Variants in POSTN observed in about 807,000 individuals in gnomAD.
POSTN encodes the protein osteoblast specific factor 2 (fasciclin I-like).
POSTN carries 71 observed loss-of-function variants against 104.5 expected under a neutral mutation model. The observed-to-expected ratio is 0.68, with a 90% CI of 0.56 to 0.83. The LOEUF (loss-of-function observed/expected upper bound fraction) is 0.83. POSTN is among the 40% of genes least tolerant of loss of function. The pLI is 0.00. For missense variants in POSTN, 949 were observed against 1,006.8 expected (o/e 0.94, Z 0.78); for synonymous variants, 355 against 340.7 (o/e 1.04, Z -0.46).
intron 21 of POSTN, among the ~76,000 whole-genome samples, chr13:37,566,105 G>A (rs1008998366): frequency 6.6e-6 from 1 of 152,126 alleles, no homozygotes; most frequent in Non-Finnish European, 1.5e-5. Context: ...CATTCAATGT[G>A]TCAAACAAAT....
In POSTN at chr13:37,578,892, A is replaced by T. The variant is rs1593333178; in HGVS notation, c.1914T>A (p.Asp638Glu). The T allele has an allele frequency of 1.9e-6, 3 of 1,595,948 alleles. No homozygotes were observed. The highest frequency in any genetic ancestry group is 3.6e-5 in the Admixed American group (2 of 55,390). Reference protein sequence around the residue: ...LYPADTPVGNDQLLEILNKLI... With the variant: ...LYPADTPVGNEQLLEILNKLI... ...ATTTATTAAGTATTTCCAGCAGTTG[A>T]TCATTTCCAACAGGTGTGTCTATGA... is the stretch of plus-strand genomic sequence containing the variant. Residue 638 changes from aspartate (D) to glutamate (E), a missense_variant, in exon 15 of 23, where the codon GAT (aspartate) becomes GAA (glutamate). Physicochemically the swap from Asp to Glu is conservative, Grantham distance 45. Coordinates refer to ENST00000379747, the MANE Select transcript of POSTN (RefSeq NM_006475.3).
intron 22 of POSTN, 61 bp downstream of exon 22, chr13:37,564,458 G>T: frequency 1.1e-6 from 1 of 879,164 alleles, no homozygotes; most frequent in South Asian, 1.8e-5. Context: ...CCTATTGTTT[G>T]ATTTCTCTTC....
chr13:37,566,374 T>C (rs1164490939), intron 21 of POSTN, among the ~76,000 whole-genome samples: 1 of 152,198 alleles, frequency 6.6e-6, no homozygotes, highest in East Asian at 1.9e-4. Flanking sequence ...GTTATGACTA[T>C]GGAAATTTAA....
chr13:37,571,820 G>A (rs1950269683), intron 17 of POSTN, among the ~76,000 whole-genome samples: 1 of 151,608 alleles, frequency 6.6e-6, no homozygotes, highest in Non-Finnish European at 1.5e-5. Context: ...GATAACTGGT[G>A]TAGATCCCAC....
At chr13:37,586,665 T>C in intron 6 of POSTN, 117 bp downstream of exon 6, 1 of 987,452 alleles carries the variant, frequency 1.0e-6, no homozygotes, top group Non-Finnish European at 1.5e-6. Context: ...TAGTAGTCCT[T>C]TCAAAAAATA....
At chr13:37,580,049 A>G in intron 11 of POSTN, 58 bp from the exon 12 acceptor site, 1 of 1,500,150 alleles carries the variant, frequency 6.7e-7, no homozygotes, top group Non-Finnish European at 9.2e-7. Context: ...ATGTTCACCT[A>G]CAGTGCATGT....
At chr13:37,571,943 A>C (rs1222889906) in intron 17 of POSTN, among the ~76,000 whole-genome samples, 1 of 151,662 alleles carries the variant, frequency 6.6e-6, no homozygotes, top group Non-Finnish European at 1.5e-5. Context: ...AGTGAACATA[A>C]GAAAGTACCA....
chr13:37,595,206 G>T (rs1234595399), intron 2 of POSTN, among the ~76,000 whole-genome samples: 1 of 152,148 alleles, frequency 6.6e-6, no homozygotes, highest in African/African-American at 2.4e-5. Flanking sequence ...ATTTCAGGGT[G>T]AAGGTCCTTT....
chr13:37,569,816 C>T lies in POSTN; in HGVS notation c.2275G>A (p.Glu759Lys). 1 of 1,597,170 alleles carries T rather than the reference C, an allele frequency of 6.3e-7. No individual in the cohort carries two copies. Among genetic ancestry groups the T allele is most frequent in the Non-Finnish European group, 8.6e-7 (1 of 1,166,392 alleles). ...GTAGAAATCCTAGTGTATTTTATTT[C>T]AGGACCTATGAGAAGGACAATGAAA... ...TREERIITGPEIKYTRISTGG... is the reference protein window; with the variant it reads ...TREERIITGPKIKYTRISTGG... Residue 759 changes from glutamate to lysine, a missense_variant, in exon 20 of 23, where the codon GAA becomes AAA. Glu to Lys is a moderately conservative substitution (Grantham distance 56). Coordinates refer to ENST00000379747, the MANE Select transcript of POSTN (RefSeq NM_006475.3).
chr13:37,590,226 C>T (rs1950887803), intron 4 of POSTN, 146 bp downstream of exon 4: 2 of 542,332 alleles, frequency 3.7e-6, no homozygotes, highest in East Asian at 3.2e-5. Flanking sequence ...ATTTTACTTC[C>T]CTTAATAACT....
rs188381130 is a variant in POSTN, at chr13:37,580,515, T to G, written c.1529+46A>C. 259 of 1,608,672 alleles carry G rather than the reference T, an allele frequency of 1.6e-4. 1 individual carries two copies. The highest frequency in any genetic ancestry group is 5.9e-4 in the Admixed American group (35 of 59,622). On this transcript the variant is annotated intron_variant, in intron 11 of 22. Transcript: ENST00000379747. ...GGATACCGCCTATGAAACAAAAATA[T>G]GCCAATAGCTCTCATTCTCTGTGGA...
chr13:37,590,281 A>C (rs893098126), intron 4 of POSTN, 91 bp downstream of exon 4: 38 of 1,055,376 alleles, frequency 3.6e-5, no homozygotes, highest in Admixed American at 5.6e-5. Flanking sequence ...AAAGATATAA[A>C]ATTTCTACTA....
chr13:37,580,761 A>G, intron 10 of POSTN, 64 bp from the exon 11 acceptor site: 1 of 1,600,108 alleles, frequency 6.2e-7, no homozygotes, highest in Non-Finnish European at 8.5e-7. Flanking sequence ...GTATAGATGT[A>G]ACTACATAAT....
rs115608439 is a variant in POSTN at position 37,582,595 on chromosome 13, A to G, written c.1244-81T>C. ...TCTCCCGGTAAGACAGAATCATATA[A>G]ACAGATAATCCCTGACATTATTGAT... On this transcript the variant is annotated intron_variant, in intron 9 of 22. Transcript: ENST00000379747. The G allele has an allele frequency of 4.1e-4, 518 of 1,274,416 alleles. 4 individuals are homozygous for G. The African/African-American group carries it at 7.2e-3, about 18-fold the overall frequency. 78.9% of individuals were successfully genotyped at this position (1,274,416 alleles called of 1,614,324 possible).
intron 12 of POSTN, 21 bp from the exon 13 acceptor site, chr13:37,579,380 A>AT: frequency 6.6e-7 from 1 of 1,519,920 alleles, no homozygotes; most frequent in East Asian, 2.3e-5. Context: ...ATATATGTTT[A>AT]TTTTTATTGA....
At chr13:37,571,345 C>T (rs763177613) in intron 18 of POSTN, 24 bp downstream of exon 18, 18 of 1,480,020 alleles carry the variant, frequency 1.2e-5, no homozygotes, top group Admixed American at 7.3e-5. Flanking sequence ...AGGTAGTCGG[C>T]CCCAGGTAAC....
chr13:37,573,758 T>G (rs1326559473), intron 17 of POSTN, among the ~76,000 whole-genome samples: 1 of 151,580 alleles, frequency 6.6e-6, no homozygotes, highest in African/African-American at 2.4e-5. Context: ...ATTAAGATGC[T>G]TATACATGGA....
chr13:37,598,416 G>A (rs936017694), intron 1 of POSTN, among the ~76,000 whole-genome samples, 192 bp downstream of exon 1: 4 of 152,018 alleles, frequency 2.6e-5, no homozygotes, highest in African/African-American at 9.7e-5. Context: ...TATTTAGAGA[G>A]CAATTAAGTC....
intron 4 of POSTN, 126 bp downstream of exon 4, chr13:37,590,246 A>T: frequency 1.5e-6 from 1 of 651,952 alleles, no homozygotes; most frequent in Non-Finnish European, 2.4e-6. Flanking sequence ...TCATCCCTTT[A>T]GGTATTCTCA....
Sources: allele counts gnomAD v4.1 joint callset (sites outside exome capture counted in the v4.1 genomes callset), GRCh38; gene constraint gnomAD v4.1.1; transcripts MANE v1.5; gene names NCBI Gene and HGNC (gene_info 2026-07-23, HGNC 2026-07-21).